MRPL13: variants seen among roughly 807,000 people sequenced by gnomAD.
MRPL13 encodes the protein mitochondrial ribosomal protein L13.
Under a neutral mutation model 29.0 loss-of-function variants are expected in MRPL13, and 33 were observed. That is an observed-to-expected ratio of 1.14 (90% CI 0.86 to 1.52). The LOEUF (loss-of-function observed/expected upper bound fraction) is 1.52. Among genes scored for constraint, MRPL13 ranks in the 40% most tolerant of loss-of-function variants. MRPL13 has a pLI of 0.00. For missense variants in MRPL13, 227 were observed against 216.7 expected (o/e 1.05, Z -0.30); for synonymous variants, 77 against 68.4 (o/e 1.13, Z -0.62).
chr8:120,407,037 T>C (rs1812675976), intron 6 of MRPL13, among the ~76,000 whole-genome samples: 2 of 152,246 alleles, frequency 1.3e-5, no homozygotes, highest in African/African-American at 4.8e-5. Context: ...CACATCATTC[T>C]GTTTCCTATA....
intron 3 of MRPL13, among the ~76,000 whole-genome samples, chr8:120,426,129 G>C (rs1315586101): frequency 6.6e-6 from 1 of 151,992 alleles, no homozygotes; most frequent in Non-Finnish European, 1.5e-5. Flanking sequence ...AAAAATATTT[G>C]TGAAAGGGAT....
chr8:120,415,463 G>A (rs1275904011), intron 5 of MRPL13: 1 of 151,604 alleles, frequency 6.6e-6, no homozygotes, highest in African/African-American at 2.4e-5. Context: ...CTTAAGACAT[G>A]TTGTCTTAAG....
intron 6 of MRPL13, among the ~76,000 whole-genome samples, chr8:120,397,778 C>T (rs531648073): frequency 2.0e-5 from 3 of 152,194 alleles, no homozygotes; most frequent in East Asian, 3.9e-4. Flanking sequence ...TTGACACAGC[C>T]ATTCCAGCCT....
At chr8:120,436,548 T>C (rs903416784) in intron 2 of MRPL13, among the ~76,000 whole-genome samples, 7 of 152,190 alleles carry the variant, frequency 4.6e-5, no homozygotes, top group South Asian at 2.1e-4. Context: ...AGTTTAGATA[T>C]GTCTTTTGTT....
rs764755812 is a variant in MRPL13 at position 120,425,473 on chromosome 8, C to CTA, written c.246-108_246-107insTA. 177 of 779,492 alleles carry CTA rather than the reference C, an allele frequency of 2.3e-4. 2 individuals are homozygous for CTA. In the African/African-American group the frequency reaches 2.8e-3, roughly 12 times the overall value. The allele number at this position is 779,492 out of a possible 1,614,324, so 48.3% of individuals were successfully genotyped here. A position where few individuals can be genotyped will look rare whatever the true frequency, so the allele number is the denominator to read the frequency against. Reference sequence around the variant, plus strand: ...TATTTTAATAAATTGTTTCTCGAAACTGCTTTTCATTAGTGTTTTCAAAAT... The same window carrying CTA: ...TATTTTAATAAATTGTTTCTCGAAACTATGCTTTTCATTAGTGTTTTCAAAAT... On this transcript the variant is annotated intron_variant, in intron 3 of 6. Coordinates refer to ENST00000306185, the MANE Select transcript of MRPL13 (RefSeq NM_014078.6).
At chr8:120,422,522 G>C (rs931477638) in intron 4 of MRPL13, among the ~76,000 whole-genome samples, 2 of 149,450 alleles carry the variant, frequency 1.3e-5, no homozygotes, top group African/African-American at 2.4e-5. Flanking sequence ...TTCTATTAGT[G>C]TTAAGACTTT....
chr8:120,435,238 CA>C (rs1390424155), intron 2 of MRPL13, among the ~76,000 whole-genome samples: 3 of 151,960 alleles, frequency 2.0e-5, no homozygotes, highest in Non-Finnish European at 4.4e-5. Context: ...ATTTTAGGTT[CA>C]GGGGTAAATG....
chr8:120,396,050 C>A lies in MRPL13; in HGVS notation c.*54G>T. 2 of 1,459,464 alleles carry A rather than the reference C, an allele frequency of 1.4e-6. No individual in the cohort carries two copies. The highest frequency in any genetic ancestry group is 2.4e-5 in the South Asian group (2 of 82,366). The allele number at this position is 1,459,464 out of a possible 1,614,324, so 90.4% of individuals were successfully genotyped here. ...CTCCATCCTGTAGGTTAGAGAAACT[C>A]ATCAGAAGAAAGTTTCAATCACTTC... On this transcript the variant is annotated 3_prime_UTR_variant, in exon 7 of 7. Coordinates refer to ENST00000306185, the MANE Select transcript of MRPL13 (RefSeq NM_014078.6).
At chr8:120,431,945 CTTT>C in intron 3 of MRPL13, 82 bp downstream of exon 3, 1 of 963,026 alleles carries the variant, frequency 1.0e-6, no homozygotes, top group South Asian at 2.3e-5. Flanking sequence ...TTAAAAATAT[CTTT>C]TTTCTTTTAA....
Position 120,425,363 on chromosome 8 carries a change from G to A in MRPL13, c.249C>T (p.Tyr83=), listed in dbSNP as rs1234854074. 1 of 1,611,586 alleles carries A rather than the reference G, an allele frequency of 6.2e-7. No individual in the cohort carries two copies. Among genetic ancestry groups the A allele is most frequent in the Non-Finnish European group, 8.5e-7 (1 of 1,178,132 alleles). ...CTGTTACTTGTCTAAATCCACCTGG[G>A]TAGCTGTTAAAAGGAGAAAAGACAT... ...EQKVYSSHTG[Y]PGGFRQVTAA... Residue 83 remains tyrosine (Y), a synonymous_variant, in exon 4 of 7, where the codon TAC becomes TAT. Transcript: ENST00000306185.
rs1026979613 is a variant in MRPL13, at chr8:120,426,987, C to G, written c.246-1621G>C. 9.2e-5 allele frequency among the ~76,000 whole-genome samples: 14 copies of G among 152,080 alleles called. No individual in the cohort carries two copies. The East Asian group carries it at 2.3e-3, about 25-fold the overall frequency. ...GTGCACACACACCCAATTCAACCAA[C>G]CCCTAAAAAATTAGAAGTAAATGTT... On this transcript the variant is annotated intron_variant, in intron 3 of 6. Coordinates refer to ENST00000306185, the MANE Select transcript of MRPL13 (RefSeq NM_014078.6).
At chr8:120,415,088 A>G (rs1406035245) in intron 5 of MRPL13, 1 of 152,240 alleles carries the variant, frequency 6.6e-6, no homozygotes, top group East Asian at 1.9e-4. Flanking sequence ...CTAAGGAGGA[A>G]TGATAAAATG....
At chr8:120,430,135 A>T (rs1010154094) in intron 3 of MRPL13, among the ~76,000 whole-genome samples, 5 of 151,754 alleles carry the variant, frequency 3.3e-5, no homozygotes, top group Non-Finnish European at 5.9e-5. Flanking sequence ...GGTGGTGCAC[A>T]CCTGTAGTCC....
chr8:120,413,343 A>C (rs1268591134), intron 6 of MRPL13, among the ~76,000 whole-genome samples: 1 of 152,220 alleles, frequency 6.6e-6, no homozygotes, highest in East Asian at 1.9e-4. Flanking sequence ...ACAAATATAT[A>C]ATTAGAGTAA....
intron 2 of MRPL13, among the ~76,000 whole-genome samples, chr8:120,441,782 G>A (rs935645865): frequency 2.0e-5 from 3 of 152,136 alleles, no homozygotes; most frequent in Non-Finnish European, 2.9e-5. Context: ...CTTTTCTTAC[G>A]TGTGTCAATG....
At chr8:120,413,700 A>T (rs904660923) in intron 6 of MRPL13, among the ~76,000 whole-genome samples, 1 of 152,202 alleles carries the variant, frequency 6.6e-6, no homozygotes, top group Non-Finnish European at 1.5e-5. Context: ...TTTTAGATTA[A>T]TAACAATTCA....
chr8:120,436,457 T>C (rs1169136095), intron 2 of MRPL13, among the ~76,000 whole-genome samples: 2 of 152,224 alleles, frequency 1.3e-5, no homozygotes, highest in East Asian at 3.8e-4. Context: ...CATGTACTTA[T>C]CTGCCATCTG....
At chr8:120,444,934 C>T in intron 1 of MRPL13, 134 bp downstream of exon 1, 1 of 1,128,324 alleles carries the variant, frequency 8.9e-7, no homozygotes. Flanking sequence ...CCCTCTTGTG[C>T]TTTCCCAAGT....
intron 1 of MRPL13, among the ~76,000 whole-genome samples, chr8:120,443,970 A>T (rs1414065562): frequency 1.3e-5 from 2 of 152,152 alleles, no homozygotes; most frequent in African/African-American, 4.8e-5. Flanking sequence ...GGCCAGAAAG[A>T]TCTCCACCAG....
Sources: allele counts gnomAD v4.1 joint callset (sites outside exome capture counted in the v4.1 genomes callset), GRCh38; gene constraint gnomAD v4.1.1; transcripts MANE v1.5; gene names NCBI Gene and HGNC (gene_info 2026-07-23, HGNC 2026-07-21).